The following IDE variants were observed in gnomAD, a reference collection of about 807,000 sequenced individuals.
IDE encodes the protein insulin-degrading enzyme.
IDE carries 58 observed loss-of-function variants against 133.2 expected under a neutral mutation model. The ratio of observed to expected loss-of-function variants is 0.44; its 90% CI spans 0.35 to 0.54. The LOEUF is 0.54. IDE is among the 20% of genes least tolerant of loss of function. The pLI, the probability that IDE is intolerant of heterozygous loss-of-function variation, is 0.00. For synonymous variants in IDE, 396 were observed against 421.3 expected, an observed-to-expected ratio of 0.94 and a Z score of 0.73; for missense variants, 981 against 1,234.0, an observed-to-expected ratio of 0.79 and a Z score of 3.07.
intron 8 of IDE, 120 bp downstream of exon 8, chr10:92,507,993 G>C (rs1848386903): frequency 2.7e-6 from 2 of 743,948 alleles, no homozygotes; most frequent in South Asian, 1.8e-5. Context: ...CAATGGATAA[G>C]TTGTATGAAT....
rs1844954963 is a variant in IDE at position 92,455,572 on chromosome 10, T to C, written c.2964+4A>G. 1 of 1,546,066 alleles carries C rather than the reference T, an allele frequency of 6.5e-7. No individual in the cohort carries two copies. The highest frequency in any genetic ancestry group is 2.2e-5 in the East Asian group (1 of 44,622). On this transcript the variant is annotated splice_donor_region_variant and intron_variant, in intron 24 of 24. Transcript: ENST00000265986. ...ACAATCTAACATAACGTTATATTTCTTACTTGTGGCAAGGCTGGTGCTTGT... is the reference window on the plus strand; with the variant it reads ...ACAATCTAACATAACGTTATATTTCCTACTTGTGGCAAGGCTGGTGCTTGT...
At position 92,515,305 on chromosome 10, in the gene IDE, G is replaced by T. The variant is rs530157349; in HGVS notation, c.662-263C>A. 9.3e-5 allele frequency among the ~76,000 whole-genome samples: 14 copies of T among 150,404 alleles called. No individual in the cohort carries two copies. In the East Asian group the frequency reaches 2.7e-3, roughly 29 times the overall value. ...GACGGAGTCTTGCTCTGTTGCCCAGGCTGGAGTGCGGTGGTGTGATCTCGG... is the reference window on the plus strand; with the variant it reads ...GACGGAGTCTTGCTCTGTTGCCCAGTCTGGAGTGCGGTGGTGTGATCTCGG... On this transcript the variant is annotated intron_variant, in intron 4 of 24. Coordinates refer to ENST00000265986, the MANE Select transcript of IDE (RefSeq NM_004969.4).
intron 11 of IDE, among the ~76,000 whole-genome samples, chr10:92,495,470 C>G (rs983425003): frequency 1.3e-5 from 2 of 152,032 alleles, no homozygotes. Flanking sequence ...CCGCCCACCT[C>G]GGCCTCCCAA....
At chr10:92,544,513 T>A (rs535085049) in intron 1 of IDE, among the ~76,000 whole-genome samples, 12 of 152,256 alleles carry the variant, frequency 7.9e-5, no homozygotes, top group East Asian at 7.7e-4. Flanking sequence ...GTGGTAAAGC[T>A]GGAACTACAG....
At chr10:92,477,564 G>C (rs1250403912) in intron 15 of IDE, among the ~76,000 whole-genome samples, 1 of 152,192 alleles carries the variant, frequency 6.6e-6, no homozygotes, top group Non-Finnish European at 1.5e-5. Flanking sequence ...AGCAGTAGGG[G>C]ATATCACTGC....
intron 16 of IDE, among the ~76,000 whole-genome samples, 164 bp from the exon 17 acceptor site, chr10:92,475,125 C>T (rs1194176779): frequency 6.6e-6 from 1 of 152,202 alleles, no homozygotes; most frequent in Non-Finnish European, 1.5e-5. Flanking sequence ...TTATTCCTCT[C>T]CGATCTTTAC....
chr10:92,561,478 G>A (rs1027796984), intron 1 of IDE, among the ~76,000 whole-genome samples: 2 of 151,456 alleles, frequency 1.3e-5, no homozygotes, highest in African/African-American at 2.4e-5. Flanking sequence ...TAAGCTGGGC[G>A]TGGCAGCTCA....
chr10:92,553,648 A>C (rs1255585802), intron 1 of IDE, among the ~76,000 whole-genome samples: 3 of 152,166 alleles, frequency 2.0e-5, no homozygotes, highest in East Asian at 3.8e-4. Context: ...ATGAAAAAGG[A>C]GACATTACAA....
chr10:92,477,221 C>T (rs796560829), intron 15 of IDE, among the ~76,000 whole-genome samples: 1 of 152,040 alleles, frequency 6.6e-6, no homozygotes, highest in East Asian at 1.9e-4. Flanking sequence ...GGTACAATCT[C>T]GGCTGACTGC....
At chr10:92,522,645 C>T (rs1005721888) in intron 4 of IDE, among the ~76,000 whole-genome samples, 7 of 152,150 alleles carry the variant, frequency 4.6e-5, no homozygotes, top group Admixed American at 3.9e-4. Context: ...CTGGGCAACA[C>T]TAAAACATGC....
At chr10:92,496,781 G>A (rs1260591420) in intron 11 of IDE, among the ~76,000 whole-genome samples, 1 of 152,112 alleles carries the variant, frequency 6.6e-6, no homozygotes, top group African/African-American at 2.4e-5. Flanking sequence ...GCAAGACTCT[G>A]TCTCAAAAAA....
In IDE at chr10:92,545,502, G is replaced by C. The variant is rs571762650; in HGVS notation, c.99-7952C>G. Among the ~76,000 whole-genome samples the C allele has an allele frequency of 2.0e-5, 3 of 152,298 alleles. No homozygotes were observed. In the East Asian group the frequency reaches 5.8e-4, roughly 29 times the overall value. On this transcript the variant is annotated intron_variant, in intron 1 of 24. Coordinates refer to ENST00000265986, the MANE Select transcript of IDE (RefSeq NM_004969.4). ...GAAAGTTGTGCAAGCAACAAGGATT[G>C]GATAAACTAGTTCCAGAAAGGTGAG...
At chr10:92,556,179 C>CAAAAAAAAAAAAAA (rs60008680) in intron 1 of IDE, among the ~76,000 whole-genome samples, 20 of 69,094 alleles carry the variant, frequency 2.9e-4, no homozygotes, top group Admixed American at 8.6e-4. Flanking sequence ...GACTCCGTCT[C>CAAAAAAAAAAAAAA]AAAAAAAAAA....
chr10:92,559,732 G>A (rs1843187456), intron 1 of IDE, among the ~76,000 whole-genome samples: 1 of 141,414 alleles, frequency 7.1e-6, no homozygotes. Flanking sequence ...ACCCATGAAT[G>A]GTATATTTTT....
At chr10:92,463,491 AT>A (rs1374679296) in intron 21 of IDE, among the ~76,000 whole-genome samples, 1 of 152,182 alleles carries the variant, frequency 6.6e-6, no homozygotes, top group Non-Finnish European at 1.5e-5. Context: ...TTAATACTTT[AT>A]TGTGAGATAT....
At chr10:92,519,309 C>G (rs1849092366) in intron 4 of IDE, among the ~76,000 whole-genome samples, 1 of 152,188 alleles carries the variant, frequency 6.6e-6, no homozygotes, top group African/African-American at 2.4e-5. Flanking sequence ...AATACCAATT[C>G]AGTCTCTAGA....
chr10:92,485,121 CTTT>C (rs1846898125), intron 13 of IDE, among the ~76,000 whole-genome samples: 1 of 101,434 alleles, frequency 9.9e-6, no homozygotes, highest in Non-Finnish European at 1.9e-5. Flanking sequence ...TTCTTTCTTT[CTTT>C]CTTTTTTTTT....
intron 1 of IDE, among the ~76,000 whole-genome samples, chr10:92,541,031 T>C (rs1439079904): frequency 6.6e-6 from 1 of 152,164 alleles, no homozygotes; most frequent in Non-Finnish European, 1.5e-5. Context: ...CCTGATATGG[T>C]TGAGAATAAA....
In IDE at chr10:92,510,082, G is replaced by C. The variant is rs758056558; in HGVS notation, c.865C>G (p.Pro289Ala). The C allele has an allele frequency of 6.2e-7, 1 of 1,602,898 alleles. No individual in the cohort carries two copies. Among genetic ancestry groups the C allele is most frequent in the South Asian group, 1.1e-5 (1 of 90,128 alleles). Residue 289 changes from proline to alanine, a missense_variant, in exon 6 of 25, where the codon CCT (proline) becomes GCT (alanine). Coordinates refer to ENST00000265986, the MANE Select transcript of IDE (RefSeq NM_004969.4). ...TGTTCTTCTTGGAAAGGGTGTTCAG[G>C]AAATTCTGGCAATGGAACATTTTTG... ...ENKNVPLPEFPEHPFQEEHLK... is the reference protein window; with the variant it reads ...ENKNVPLPEFAEHPFQEEHLK...
Sources: gnomAD v4.1 joint callset for allele counts (sites outside exome capture counted in the v4.1 genomes callset) on GRCh38, gnomAD v4.1.1 for gene constraint, MANE v1.5 for transcripts, NCBI Gene and HGNC (gene_info 2026-07-23, HGNC 2026-07-21) for gene names.